Variants in SLC29A4 observed in about 807,000 individuals in gnomAD.
SLC29A4 encodes solute carrier family 29 member 4, also known as equilibrative nucleoside transporter 4.
A neutral mutation model predicts 43.9 loss-of-function variants in SLC29A4; 36 were observed. That is an observed-to-expected ratio of 0.82 (90% CI 0.63 to 1.08). The LOEUF is 1.08. SLC29A4 is among the 50% of genes least tolerant of loss of function. The pLI is 0.00. For synonymous variants in SLC29A4, 491 were observed against 338.0 expected (o/e 1.45, Z -4.97); for missense variants, 869 against 755.3 (o/e 1.15, Z -1.77).
At chr7:5,300,289 G>A in intron 9 of SLC29A4, 133 bp from the exon 10 acceptor site, 1 of 1,359,116 alleles carries the variant, frequency 7.4e-7, no homozygotes. Flanking sequence ...ATCCGGAGAA[G>A]GGCAGGGGTG....
chr7:5,286,458 G>A (rs1394256761), intron 1 of SLC29A4, among the ~76,000 whole-genome samples: 4 of 151,708 alleles, frequency 2.6e-5, no homozygotes, highest in African/African-American at 9.7e-5. Flanking sequence ...AGGAGACGGA[G>A]GTTGCAGCGA....
At position 5,287,983 on chromosome 7, in the gene SLC29A4, C is replaced by T; in HGVS notation, c.167C>T (p.Thr56Ile). ...AGGGGCGTCCCAGCTTTCACGGATACTAGTAAGTAGGCGTGCGGGCAAGGT... is the reference window on the plus strand; with the variant it reads ...AGGGGCGTCCCAGCTTTCACGGATATTAGTAAGTAGGCGTGCGGGCAAGGT... ...RARGVPAFTD[T>I]TLDEPVPDDR... The change falls in exon 2 of 11, where the codon ACT (threonine) becomes ATT (isoleucine). Residue 56 changes from threonine (T) to isoleucine (I), a missense_variant and splice_region_variant. Coordinates refer to ENST00000396872, the MANE Select transcript of SLC29A4 (RefSeq NM_153247.4). 2 of 1,607,276 alleles carry T rather than the reference C, an allele frequency of 1.2e-6. No homozygotes were observed. The highest frequency in any genetic ancestry group is 2.2e-5 in the East Asian group (1 of 44,806).
intron 2 of SLC29A4, among the ~76,000 whole-genome samples, 155 bp from the exon 3 acceptor site, chr7:5,290,577 C>T (rs1785239769): frequency 6.6e-6 from 1 of 152,174 alleles, no homozygotes; most frequent in Non-Finnish European, 1.5e-5. Flanking sequence ...TGATAATGGC[C>T]AGATGACAGA....
In SLC29A4 at chr7:5,306,435, TCCTCCCGCCTCGG is replaced by T. The variant is rs1342470032; in HGVS notation, c.*3502_*3514del. Reference sequence around the variant, plus strand: ...GTCTGAAACTCCTGGCCTGAAGTGATCCTCCCGCCTCGGCCTCCTAAAGTGCTGGGATTACAGG... The same window carrying T: ...GTCTGAAACTCCTGGCCTGAAGTGATCCTCCTAAAGTGCTGGGATTACAGG... On this transcript the variant is annotated 3_prime_UTR_variant, in exon 11 of 11. Transcript: ENST00000396872. 6.6e-6 allele frequency: 1 copy of T among 151,914 alleles called. No individual in the cohort carries two copies. The highest frequency in any genetic ancestry group is 2.4e-5 in the African/African-American group (1 of 41,306). 9.4% of individuals were successfully genotyped at this position (151,914 alleles called of 1,614,324 possible).
chr7:5,301,927 G>T (rs377112847), intron 10 of SLC29A4, among the ~76,000 whole-genome samples: 80 of 151,632 alleles, frequency 5.3e-4, no homozygotes, highest in African/African-American at 1.5e-3. Flanking sequence ...TCCTGATAGG[G>T]AGGAAGCTGC....
intron 1 of SLC29A4, among the ~76,000 whole-genome samples, chr7:5,286,431 A>G (rs1449404952): frequency 2.2e-5 from 3 of 135,888 alleles, no homozygotes; most frequent in Non-Finnish European, 3.0e-5. Flanking sequence ...GCTGAGGCAG[A>G]AGAATCGCTG....
chr7:5,300,315 A>T, intron 9 of SLC29A4, 107 bp from the exon 10 acceptor site: 2 of 1,520,730 alleles, frequency 1.3e-6, no homozygotes, highest in East Asian at 4.6e-5. Flanking sequence ...TGAGCTGGAC[A>T]GGCCCAGGAG....
At chr7:5,290,436 A>G (rs1464369579) in intron 2 of SLC29A4, among the ~76,000 whole-genome samples, 2 of 152,266 alleles carry the variant, frequency 1.3e-5, no homozygotes, top group East Asian at 3.9e-4. Flanking sequence ...AGTTCAGGTG[A>G]TCTGCCCGCC....
chr7:5,299,223 C>T lies in SLC29A4; in HGVS notation c.1022-17C>T, dbSNP rs373328708. 2.5e-4 allele frequency: 399 copies of T among 1,604,498 alleles called. No homozygotes were observed. Among genetic ancestry groups the T allele is most frequent in the Non-Finnish European group, 3.2e-4 (372 of 1,174,450 alleles). ...CCCCGTGGGCGCTGCCTCTGACCCC[C>T]GCCCGCCACCCTCCAGCCCTGTTAC... On this transcript the variant is annotated splice_polypyrimidine_tract_variant and intron_variant, in intron 8 of 10. Coordinates refer to ENST00000396872, the MANE Select transcript of SLC29A4 (RefSeq NM_153247.4).
At chr7:5,287,056 C>T (rs1352510911) in intron 1 of SLC29A4, among the ~76,000 whole-genome samples, 1 of 152,234 alleles carries the variant, frequency 6.6e-6, no homozygotes, top group East Asian at 1.9e-4. Flanking sequence ...GGACAGCAGT[C>T]TCTGAGCCAT....
chr7:5,306,571 T>C lies in SLC29A4; in HGVS notation c.*3632T>C, dbSNP rs1391418286. Reference sequence around the variant, plus strand: ...CTGGTCTCGAACTCCTGACTTCAAGTGATCCGCCTGCCTTGGCCTCCCAAA... The same window carrying C: ...CTGGTCTCGAACTCCTGACTTCAAGCGATCCGCCTGCCTTGGCCTCCCAAA... On this transcript the variant is annotated 3_prime_UTR_variant, in exon 11 of 11. Transcript: ENST00000396872. 3.9e-5 allele frequency: 6 copies of C among 152,116 alleles called. No individual in the cohort carries two copies. Among genetic ancestry groups the C allele is most frequent in the Non-Finnish European group, 8.8e-5 (6 of 68,038 alleles). 9.4% of individuals were successfully genotyped at this position (152,116 alleles called of 1,614,324 possible).
chr7:5,293,321 G>C (rs1298836554), intron 5 of SLC29A4, among the ~76,000 whole-genome samples: 1 of 151,802 alleles, frequency 6.6e-6, no homozygotes, highest in Non-Finnish European at 1.5e-5. Context: ...GCAGGCGCCC[G>C]CCACCACACC....
chr7:5,303,897 G>A lies in SLC29A4; in HGVS notation c.*958G>A, dbSNP rs1201646514. On this transcript the variant is annotated 3_prime_UTR_variant, in exon 11 of 11. Coordinates refer to ENST00000396872, the MANE Select transcript of SLC29A4 (RefSeq NM_153247.4). ...GCACCCTGAGGTCAGGGGATCCTAA[G>A]GGTGTCCTTCCAGAGACGGTGTTTC... 1 of 152,294 alleles carries A rather than the reference G, an allele frequency of 6.6e-6. No individual in the cohort carries two copies. Among genetic ancestry groups the A allele is most frequent in the Non-Finnish European group, 1.5e-5 (1 of 68,120 alleles). The allele number at this position is 152,294 out of a possible 1,614,324, so 9.4% of individuals were successfully genotyped here. A position where few individuals can be genotyped will look rare whatever the true frequency, so the allele number is the denominator to read the frequency against.
chr7:5,296,461 C>T (rs1785668165), intron 6 of SLC29A4, among the ~76,000 whole-genome samples: 1 of 140,158 alleles, frequency 7.1e-6, no homozygotes, highest in Non-Finnish European at 1.5e-5. Flanking sequence ...CTGGGGGCAC[C>T]CGGAGTTGGG....
chr7:5,297,098 A>T lies in SLC29A4; in HGVS notation c.782A>T (p.Tyr261Phe), dbSNP rs1196928653. The T allele has an allele frequency of 6.2e-7, 1 of 1,607,718 alleles. No homozygotes were observed. The highest frequency in any genetic ancestry group is 1.7e-5 in the Admixed American group (1 of 59,990). ...CGGCGCAGCCGCTTCGTGCTCTTCTATACCACACGGCCGCGTGACAGCCAC... is the reference window on the plus strand; with the variant it reads ...CGGCGCAGCCGCTTCGTGCTCTTCTTTACCACACGGCCGCGTGACAGCCAC... Reference protein sequence around the residue: ...LVRRSRFVLFYTTRPRDSHRG... With the variant: ...LVRRSRFVLFFTTRPRDSHRG... The change falls in exon 7 of 11, where the codon TAT becomes TTT. Residue 261 changes from tyrosine to phenylalanine, a missense_variant. By Grantham distance (22) the Tyr-to-Phe change is conservative (BLOSUM62 3). Transcript: ENST00000396872.
At chr7:5,290,031 G>A (rs1015116731) in intron 2 of SLC29A4, among the ~76,000 whole-genome samples, 24 of 148,860 alleles carry the variant, frequency 1.6e-4, no homozygotes, top group African/African-American at 5.4e-4. Context: ...AAATATAGGC[G>A]TGCACCACCA....
At chr7:5,293,812 A>G (rs28759038) in intron 5 of SLC29A4, among the ~76,000 whole-genome samples, 6 of 152,082 alleles carry the variant, frequency 3.9e-5, no homozygotes, top group African/African-American at 1.2e-4. Context: ...GCTAATTTTT[A>G]AAAAATTTTT....
intron 6 of SLC29A4, 78 bp downstream of exon 6, chr7:5,295,012 A>G (rs532767047): frequency 7.9e-6 from 10 of 1,269,848 alleles, no homozygotes; most frequent in South Asian, 1.4e-5. Flanking sequence ...GGGACTCCCC[A>G]TGATGCTCCC....
At chr7:5,294,061 G>A (rs900316149) in intron 5 of SLC29A4, among the ~76,000 whole-genome samples, 1 of 149,318 alleles carries the variant, frequency 6.7e-6, no homozygotes, top group Non-Finnish European at 1.5e-5. Flanking sequence ...AGCCGAGATC[G>A]CACCACTGCA....
Sources: allele counts gnomAD v4.1 joint callset (sites outside exome capture counted in the v4.1 genomes callset), GRCh38; gene constraint gnomAD v4.1.1; transcripts MANE v1.5; gene names NCBI Gene and HGNC (gene_info 2026-07-23, HGNC 2026-07-21).